Variants in BLTP1 observed in about 807,000 individuals in gnomAD.
The protein encoded by BLTP1 is fragile site-associated protein.
At chr4:122,161,981 A>T in the BLTP1 span, among the ~76,000 whole-genome samples, 1 of 152,192 alleles carries the variant, frequency 6.6e-6, no homozygotes, top group Non-Finnish European at 1.5e-5. Flanking sequence ...GGGGAGATAC[A>T]TTTCTAAACC....
At chr4:122,305,554 G>T in the BLTP1 span, 1 of 984,680 alleles carries the variant, frequency 1.0e-6, no homozygotes, top group Non-Finnish European at 1.2e-6. Flanking sequence ...AAGATACGAG[G>T]AAAAAATGAA....
the BLTP1 span, chr4:122,198,348 C>T: frequency 1.0e-6 from 1 of 985,242 alleles, no homozygotes; most frequent in Non-Finnish European, 1.2e-6. Flanking sequence ...AAAGAAGCAT[C>T]TTTTAGAAAA....
chr4:122,179,836 C>T, the BLTP1 span: 1,983 of 985,186 alleles, frequency 2.0e-3, 5 homozygotes, highest in South Asian at 5.8e-3. Context: ...CTGTATCCCC[C>T]TCACAGAGAT....
chr4:122,171,034 A>C, the BLTP1 span, among the ~76,000 whole-genome samples: 1 of 152,136 alleles, frequency 6.6e-6, no homozygotes, highest in Non-Finnish European at 1.5e-5. Context: ...CAACTTCTCG[A>C]CTCAACACAC....
the BLTP1 span, chr4:122,214,564 C>G: frequency 2.1e-6 from 2 of 934,124 alleles, no homozygotes; most frequent in Non-Finnish European, 2.5e-6. Context: ...TACCATCTAC[C>G]TTACATTTGA....
At chr4:122,172,981 C>T in the BLTP1 span, 2 of 1,601,708 alleles carry the variant, frequency 1.2e-6, no homozygotes, top group African/African-American at 1.3e-5. Flanking sequence ...TGTAAGAGGA[C>T]ACATTACTGT....
the BLTP1 span, chr4:122,229,302 C>T: frequency 1.5e-6 from 2 of 1,309,014 alleles, no homozygotes; most frequent in South Asian, 1.6e-5. Context: ...ACCTCTATTT[C>T]TTGAAATAAA....
the BLTP1 span, chr4:122,202,540 T>A: frequency 9.3e-6 from 9 of 970,972 alleles, no homozygotes; most frequent in Non-Finnish European, 1.1e-5. Flanking sequence ...TTACATTACT[T>A]ACCTCTTTGA....
the BLTP1 span, chr4:122,174,391 G>T: frequency 1.0e-6 from 1 of 963,682 alleles, no homozygotes; most frequent in Non-Finnish European, 1.2e-6. Context: ...TCATATGTAT[G>T]GCACTTTTTG....
At chr4:122,347,741 G>A in the BLTP1 span, 6 of 1,613,730 alleles carry the variant, frequency 3.7e-6, no homozygotes, top group Middle Eastern at 5.0e-4. Context: ...GCTTCCATAA[G>A]ATCAAGGAGT....
chr4:122,229,451 T>C, the BLTP1 span, among the ~76,000 whole-genome samples: 1 of 152,244 alleles, frequency 6.6e-6, no homozygotes, highest in East Asian at 1.9e-4. Context: ...TCTGAGTTAT[T>C]GTAACATTGC....
chr4:122,313,565 GTACAATATATAGTCACAAA>G, the BLTP1 span: 1 of 1,301,006 alleles, frequency 7.7e-7, no homozygotes. Context: ...AAATTAAAGA[GTACAATATATAGTCACAAA>G]TGTATTTTTA....
At chr4:122,182,026 A>G in the BLTP1 span, among the ~76,000 whole-genome samples, 3 of 152,168 alleles carry the variant, frequency 2.0e-5, no homozygotes, top group Non-Finnish European at 4.4e-5. Flanking sequence ...AATCATTGGC[A>G]CACAAAAAAT....
chr4:122,225,006 T>C, the BLTP1 span: 3 of 1,016,992 alleles, frequency 2.9e-6, no homozygotes, highest in East Asian at 2.5e-4. Context: ...TACTTGGCCC[T>C]CCATTGTTGG....
chr4:122,170,358 A>G, the BLTP1 span: 4 of 888,486 alleles, frequency 4.5e-6, no homozygotes, highest in Non-Finnish European at 5.4e-6. Flanking sequence ...ATTTTGAGCC[A>G]GAGTATAGTA....
At chr4:122,362,506 C>T in the BLTP1 span, 2 of 218,652 alleles carry the variant, frequency 9.1e-6, no homozygotes, top group Non-Finnish European at 1.8e-5. Flanking sequence ...ATGTGCAATA[C>T]AATTCCTGCA....
the BLTP1 span, chr4:122,274,576 C>T: frequency 7.3e-7 from 1 of 1,364,040 alleles, no homozygotes; most frequent in Non-Finnish European, 9.4e-7. Flanking sequence ...TTAAGAATAT[C>T]ACCAAATAAA....
chr4:122,189,260 A>G, the BLTP1 span: 54 of 952,084 alleles, frequency 5.7e-5, no homozygotes, highest in African/African-American at 8.8e-4. Context: ...TTTGCATTTA[A>G]TATCATCTAA....
the BLTP1 span, among the ~76,000 whole-genome samples, chr4:122,161,396 A>T: frequency 6.6e-6 from 1 of 151,404 alleles, no homozygotes; most frequent in Non-Finnish European, 1.5e-5. Flanking sequence ...TCTTAGCTCT[A>T]GAAAATGAGA....
Sources: allele counts gnomAD v4.1 joint callset (sites outside exome capture counted in the v4.1 genomes callset), GRCh38; gene constraint gnomAD v4.1.1; transcripts MANE v1.5; gene names NCBI Gene and HGNC (gene_info 2026-07-23, HGNC 2026-07-21).